Variants in ARHGAP26 observed in about 807,000 individuals in gnomAD.
ARHGAP26 encodes the protein rho GTPase-activating protein 26.
ARHGAP26 carries 38 observed loss-of-function variants against 104.8 expected under a neutral mutation model. The ratio of observed to expected loss-of-function variants is 0.36; its 90% CI spans 0.28 to 0.48. The LOEUF (loss-of-function observed/expected upper bound fraction) is 0.48. Among genes scored for constraint, ARHGAP26 ranks in the 20% least tolerant of loss-of-function variants. The pLI is 0.99. For synonymous variants in ARHGAP26, 341 were observed against 340.0 expected, an observed-to-expected ratio of 1.00 and a Z score of -0.03; for missense variants, 704 against 947.9, an observed-to-expected ratio of 0.74 and a Z score of 3.38.
chr5:142,967,308 T>C (rs1018046659), intron 11 of ARHGAP26, among the ~76,000 whole-genome samples: 5 of 152,194 alleles, frequency 3.3e-5, no homozygotes, highest in African/African-American at 1.2e-4. Flanking sequence ...AGCCATTCAG[T>C]GTCAAGCGGT....
intron 17 of ARHGAP26, among the ~76,000 whole-genome samples, chr5:143,096,968 G>A (rs1046246596): frequency 6.6e-6 from 1 of 152,152 alleles, no homozygotes; most frequent in African/African-American, 2.4e-5. Context: ...GTCTGGGCCG[G>A]GTGCGGTGGC....
chr5:143,217,113 G>C, intron 22 of ARHGAP26, among the ~76,000 whole-genome samples: 1 of 152,128 alleles, frequency 6.6e-6, no homozygotes, highest in Non-Finnish European at 1.5e-5. Flanking sequence ...CAATCAGAAA[G>C]TGCACGTGTG....
At chr5:143,156,135 C>A (rs1203973644) in intron 20 of ARHGAP26, among the ~76,000 whole-genome samples, 5 of 152,208 alleles carry the variant, frequency 3.3e-5, no homozygotes, top group African/African-American at 4.8e-5. Flanking sequence ...AGAATTGTTT[C>A]TACCTCTGTG....
chr5:142,915,791 A>G (rs1179801117), intron 10 of ARHGAP26: 1 of 152,146 alleles, frequency 6.6e-6, no homozygotes, highest in Non-Finnish European at 1.5e-5. Flanking sequence ...TTTTGACCCC[A>G]GTGCCTTTCT....
intron 17 of ARHGAP26, among the ~76,000 whole-genome samples, chr5:143,065,404 A>C (rs1239422217): frequency 1.3e-5 from 2 of 152,168 alleles, no homozygotes; most frequent in Non-Finnish European, 2.9e-5. Flanking sequence ...CCAGCTCTTC[A>C]GAACAATTGT....
At chr5:143,165,892 T>C (rs1396351377) in intron 20 of ARHGAP26, 1 of 407,964 alleles carries the variant, frequency 2.5e-6, no homozygotes, top group Non-Finnish European at 4.3e-6. Flanking sequence ...GAAACAGTAG[T>C]AGTATCTACC....
At chr5:143,219,448 T>G (rs1338067448) in intron 22 of ARHGAP26, among the ~76,000 whole-genome samples, 1 of 152,116 alleles carries the variant, frequency 6.6e-6, no homozygotes. Context: ...AAAAACTAGA[T>G]AGAGAAGCAA....
intron 12 of ARHGAP26, among the ~76,000 whole-genome samples, chr5:143,025,200 C>T (rs890855617): frequency 6.6e-6 from 1 of 152,156 alleles, no homozygotes. Flanking sequence ...TTCACAACAC[C>T]TGCATCTTAT....
At chr5:143,092,548 C>T (rs1791608981) in intron 17 of ARHGAP26, among the ~76,000 whole-genome samples, 1 of 152,072 alleles carries the variant, frequency 6.6e-6, no homozygotes, top group Non-Finnish European at 1.5e-5. Context: ...AATTCTCCCC[C>T]CCCCACCTTT....
At position 143,077,190 on chromosome 5, in the gene ARHGAP26, G is replaced by T. The variant is rs77066422; in HGVS notation, c.1538+19443G>T. ...TTCTGTGAATGCCTCAGGTATGTGG[G>T]CGCCAGTATTTCCCATTTACCATGA... On this transcript the variant is annotated intron_variant, in intron 17 of 22. Coordinates refer to ENST00000645722, the MANE Select transcript of ARHGAP26 (RefSeq NM_001135608.3). Among the ~76,000 whole-genome samples the T allele has an allele frequency of 3.4e-3, 511 of 152,302 alleles. 1 individual carries two copies. Among genetic ancestry groups the T allele is most frequent in the Non-Finnish European group, 6.2e-3 (423 of 68,022 alleles).
chr5:143,112,883 T>C (rs1352149293), intron 17 of ARHGAP26, among the ~76,000 whole-genome samples: 1 of 152,268 alleles, frequency 6.6e-6, no homozygotes, highest in African/African-American at 2.4e-5. Flanking sequence ...GGGTTGCTTC[T>C]GCATTTTAAC....
chr5:142,870,721 G>A (rs1048936834), intron 1 of ARHGAP26, among the ~76,000 whole-genome samples: 3 of 152,156 alleles, frequency 2.0e-5, no homozygotes, highest in Admixed American at 6.5e-5. Context: ...GACAGCCTCC[G>A]TCAGATGAGA....
intron 10 of ARHGAP26, among the ~76,000 whole-genome samples, chr5:142,920,350 A>C (rs949105114): frequency 2.0e-5 from 3 of 152,226 alleles, no homozygotes; most frequent in African/African-American, 7.2e-5. Flanking sequence ...ATATTTGTTT[A>C]GGCTAAAGAA....
chr5:142,969,486 C>G (rs534782325), intron 11 of ARHGAP26: 3 of 152,246 alleles, frequency 2.0e-5, no homozygotes, highest in South Asian at 4.1e-4. Flanking sequence ...CATTAGAGGC[C>G]AGATTTAAAC....
chr5:143,011,185 T>C (rs1164395307), intron 11 of ARHGAP26, among the ~76,000 whole-genome samples: 1 of 152,178 alleles, frequency 6.6e-6, no homozygotes, highest in Non-Finnish European at 1.5e-5. Flanking sequence ...ACCTGTACTT[T>C]CTGTTGGCAC....
intron 18 of ARHGAP26, among the ~76,000 whole-genome samples, chr5:143,129,769 T>G (rs1797120399): frequency 6.6e-6 from 1 of 152,230 alleles, no homozygotes; most frequent in African/African-American, 2.4e-5. Flanking sequence ...TTTATTGTCA[T>G]TTATACCACC....
intron 18 of ARHGAP26, among the ~76,000 whole-genome samples, chr5:143,126,516 A>T (rs565132237): frequency 6.6e-6 from 1 of 152,260 alleles, no homozygotes; most frequent in East Asian, 1.9e-4. Flanking sequence ...CATCAAAATC[A>T]CACATTAAAC....
chr5:143,102,467 C>A (rs79750693), intron 17 of ARHGAP26, among the ~76,000 whole-genome samples: 4,081 of 152,308 alleles, frequency 0.027, 69 homozygotes, highest in South Asian at 0.05. Flanking sequence ...CAATCTTTTT[C>A]CTCCCCTAAC....
intron 17 of ARHGAP26, among the ~76,000 whole-genome samples, chr5:143,091,311 C>T (rs549686828): frequency 1.3e-5 from 2 of 152,316 alleles, no homozygotes; most frequent in South Asian, 4.1e-4. Context: ...ACATGATCCT[C>T]AGGCTGGTGC....
Sources: gnomAD v4.1 joint callset for allele counts (sites outside exome capture counted in the v4.1 genomes callset) on GRCh38, gnomAD v4.1.1 for gene constraint, MANE v1.5 for transcripts, NCBI Gene and HGNC (gene_info 2026-07-23, HGNC 2026-07-21) for gene names.